The following MYOCOS variants were observed in gnomAD, a reference collection of about 807,000 sequenced individuals.
The protein encoded by MYOCOS is myocilin opposite strand protein.
At chr1:171,622,417 T>G (rs1307064474) in intron 1 of MYOCOS, 85 bp downstream of exon 1, 1 of 152,212 alleles carries the variant, frequency 6.6e-6, no homozygotes, top group Non-Finnish European at 1.5e-5. Context: ...TACAGGAGGT[T>G]AAAAGACTAA....
At chr1:171,620,060 C>T (rs1374044870), upstream of MYOCOS, among the ~76,000 whole-genome samples, 2 of 147,656 alleles carry the variant, frequency 1.4e-5, no homozygotes, top group East Asian at 3.9e-4. Context: ...TTAATAAACT[C>T]CCCTTTACAT....
chr1:171,618,919 T>G (rs1652501703), upstream of MYOCOS, among the ~76,000 whole-genome samples: 1 of 152,130 alleles, frequency 6.6e-6, no homozygotes, highest in Admixed American at 6.5e-5. Flanking sequence ...TTTTTTGACA[T>G]GAGTATCTTT....
At chr1:171,602,936 G>A (rs1039678398) in intron 1 of MYOCOS, among the ~76,000 whole-genome samples, 2 of 152,188 alleles carry the variant, frequency 1.3e-5, no homozygotes, top group African/African-American at 4.8e-5. Flanking sequence ...CCATCTGCAC[G>A]TTATAAAAAG....
At chr1:171,609,410 G>A (rs1376306847) in intron 1 of MYOCOS, among the ~76,000 whole-genome samples, 1 of 152,142 alleles carries the variant, frequency 6.6e-6, no homozygotes, top group Non-Finnish European at 1.5e-5. Flanking sequence ...AAGCTATAGT[G>A]TAAAGGTGAA....
intron 1 of MYOCOS, among the ~76,000 whole-genome samples, chr1:171,611,928 C>G (rs1025092840): frequency 6.6e-6 from 1 of 152,150 alleles, no homozygotes; most frequent in East Asian, 1.9e-4. Context: ...AAATATATTA[C>G]TTCTGTCTCA....
upstream of MYOCOS, among the ~76,000 whole-genome samples, chr1:171,621,445 G>A (rs551432541): frequency 3.6e-5 from 5 of 138,486 alleles, no homozygotes; most frequent in African/African-American, 1.1e-4. Context: ...GCGCGATCTC[G>A]GCTCACTGCA....
chr1:171,623,620 A>G (rs770249311), intron 1 of MYOCOS, among the ~76,000 whole-genome samples: 1 of 152,122 alleles, frequency 6.6e-6, no homozygotes. Context: ...TAAACAACCA[A>G]CAAGTACTTT....
At chr1:171,605,435 C>T (rs1652228081) in intron 1 of MYOCOS, among the ~76,000 whole-genome samples, 1 of 149,914 alleles carries the variant, frequency 6.7e-6, no homozygotes, top group African/African-American at 2.4e-5. Flanking sequence ...TCCAGTTACA[C>T]AGAAAGAGAT....
chr1:171,619,627 T>C (rs1445470496), upstream of MYOCOS, among the ~76,000 whole-genome samples: 2 of 152,028 alleles, frequency 1.3e-5, no homozygotes, highest in African/African-American at 4.8e-5. Flanking sequence ...GATGGACAGA[T>C]CACTTAAGGT....
chr1:171,605,881 C>T (rs993586647), intron 1 of MYOCOS, among the ~76,000 whole-genome samples: 24 of 152,104 alleles, frequency 1.6e-4, no homozygotes, highest in African/African-American at 3.9e-4. Flanking sequence ...TGTTCTTGCC[C>T]GGCAAGAGAC....
intron 2 of MYOCOS, among the ~76,000 whole-genome samples, chr1:171,615,530 C>A (rs1248262028): frequency 2.0e-5 from 3 of 152,192 alleles, no homozygotes; most frequent in Non-Finnish European, 4.4e-5. Context: ...AGCCCGGTGC[C>A]AGGCCTGAAA....
At chr1:171,621,445 G>C (rs551432541), upstream of MYOCOS, among the ~76,000 whole-genome samples, 233 of 138,574 alleles carry the variant, frequency 1.7e-3, 2 homozygotes, top group African/African-American at 6.1e-3. Context: ...GCGCGATCTC[G>C]GCTCACTGCA....
chr1:171,602,363 A>G (rs1340592932), intron 1 of MYOCOS, among the ~76,000 whole-genome samples: 1 of 152,196 alleles, frequency 6.6e-6, no homozygotes, highest in East Asian at 1.9e-4. Flanking sequence ...ACCTTTAGTA[A>G]AAAGATTATA....
intron 2 of MYOCOS, among the ~76,000 whole-genome samples, chr1:171,624,580 G>A (rs1026273264): frequency 2.6e-5 from 4 of 151,832 alleles, no homozygotes; most frequent in South Asian, 4.2e-4. Flanking sequence ...GGGACCACAG[G>A]CGCCCGCCAC....
At chr1:171,624,745 C>G (rs890424898) in intron 2 of MYOCOS, among the ~76,000 whole-genome samples, 2 of 151,930 alleles carry the variant, frequency 1.3e-5, no homozygotes, top group African/African-American at 4.8e-5. Flanking sequence ...CTGTGCCCGG[C>G]CAGTTTTTTT....
chr1:171,624,656 A>C (rs1454096273), intron 2 of MYOCOS, among the ~76,000 whole-genome samples: 1 of 151,900 alleles, frequency 6.6e-6, no homozygotes, highest in Non-Finnish European at 1.5e-5. Context: ...TTCACCATTC[A>C]CAGGATGGTC....
chr1:171,623,641 G>A (rs956608363), intron 1 of MYOCOS, among the ~76,000 whole-genome samples, 200 bp from the exon 2 acceptor site: 2 of 152,002 alleles, frequency 1.3e-5, no homozygotes, highest in East Asian at 1.9e-4. Flanking sequence ...ACTCTTAGCC[G>A]CCCACTCCTC....
chr1:171,623,209 G>A (rs1387929610), intron 1 of MYOCOS, among the ~76,000 whole-genome samples: 1 of 152,094 alleles, frequency 6.6e-6, no homozygotes, highest in Admixed American at 6.5e-5. Context: ...AAAGAAAAGG[G>A]GGTGGGGGGC....
intron 1 of MYOCOS, among the ~76,000 whole-genome samples, chr1:171,608,941 C>T (rs183207766): frequency 6.6e-6 from 1 of 152,292 alleles, no homozygotes; most frequent in East Asian, 1.9e-4. Context: ...CTATAGTTCA[C>T]CTTTCACTGC....
Sources: gnomAD v4.1 joint callset for allele counts (sites outside exome capture counted in the v4.1 genomes callset) on GRCh38, gnomAD v4.1.1 for gene constraint, MANE v1.5 for transcripts, NCBI Gene and HGNC (gene_info 2026-07-23, HGNC 2026-07-21) for gene names.